Variants in EEFSEC observed in about 807,000 individuals in gnomAD.
EEFSEC encodes eukaryotic elongation factor, selenocysteine-tRNA specific.
A neutral mutation model predicts 42.1 loss-of-function variants in EEFSEC; 43 were observed. That is an observed-to-expected ratio of 1.02 (90% CI 0.80 to 1.32). EEFSEC has a LOEUF of 1.32. Ranked by LOEUF, EEFSEC falls within the 40% of genes most tolerant of loss-of-function variation. The pLI, the probability that EEFSEC is intolerant of heterozygous loss-of-function variation, is 0.00. For synonymous variants in EEFSEC, 354 were observed against 339.1 expected (o/e 1.04, Z -0.48); for missense variants, 745 against 803.6 (o/e 0.93, Z 0.88).
intron 6 of EEFSEC, among the ~76,000 whole-genome samples, chr3:128,404,002 C>T (rs766358124): frequency 1.3e-4 from 20 of 152,194 alleles, no homozygotes; most frequent in Non-Finnish European, 2.4e-4. Context: ...CTGGCATGTT[C>T]CCTGAATATT....
chr3:128,294,735 G>T (rs2066683605), intron 4 of EEFSEC, among the ~76,000 whole-genome samples: 1 of 152,244 alleles, frequency 6.6e-6, no homozygotes, highest in African/African-American at 2.4e-5. Context: ...AGTGGAAAAG[G>T]TAAGGGGAGG....
At chr3:128,411,096 A>G (rs1023747397), downstream of EEFSEC, among the ~76,000 whole-genome samples, 6 of 152,198 alleles carry the variant, frequency 3.9e-5, no homozygotes, top group African/African-American at 1.4e-4. Context: ...AGCGTCCATT[A>G]GTGGGGTCGG....
chr3:128,408,019 C>G (rs1043666244), intron 6 of EEFSEC, 50 bp from the exon 7 acceptor site: 1 of 1,482,320 alleles, frequency 6.7e-7, no homozygotes. Context: ...AGGGAGCCCA[C>G]GGGTGCTTGG....
chr3:128,245,293 GA>G (rs2066115789), intron 1 of EEFSEC, among the ~76,000 whole-genome samples: 1 of 152,244 alleles, frequency 6.6e-6, no homozygotes. Flanking sequence ...CAGTAGCTAT[GA>G]GAGGGAGTCT....
chr3:128,325,528 A>G (rs1346819197), intron 4 of EEFSEC, among the ~76,000 whole-genome samples: 1 of 152,196 alleles, frequency 6.6e-6, no homozygotes. Context: ...AGATGTTTGC[A>G]CGGGGAGGAA....
chr3:128,326,586 C>A (rs116424631), intron 4 of EEFSEC, among the ~76,000 whole-genome samples: 2,402 of 152,286 alleles, frequency 0.016, 45 homozygotes, highest in African/African-American at 0.054. Context: ...AGCCAGGAGG[C>A]TCAGAAGTGC....
intron 4 of EEFSEC, among the ~76,000 whole-genome samples, chr3:128,266,443 T>G (rs1287132117): frequency 6.6e-6 from 1 of 151,866 alleles, no homozygotes; most frequent in Admixed American, 6.6e-5. Flanking sequence ...ATGAACAGGG[T>G]TCCCCCAAAT....
Position 128,274,479 on chromosome 3 carries a change from C to T in EEFSEC, c.786+9698C>T, listed in dbSNP as rs1307937920. ...GCAGATGTGGAGGTGCCAAATGTGG[C>T]GCGGGTAGGGAGTGTGGCTGGCCTC... On this transcript the variant is annotated intron_variant, in intron 4 of 6. Coordinates refer to ENST00000254730, the MANE Select transcript of EEFSEC (RefSeq NM_021937.5). Among the ~76,000 whole-genome samples the T allele has an allele frequency of 2.6e-5, 4 of 152,274 alleles. No individual in the cohort carries two copies. In the East Asian group the frequency reaches 5.8e-4, roughly 22 times the overall value.
At chr3:128,402,933 G>A (rs1178420694) in intron 6 of EEFSEC, among the ~76,000 whole-genome samples, 1 of 152,180 alleles carries the variant, frequency 6.6e-6, no homozygotes, top group African/African-American at 2.4e-5. Flanking sequence ...TCCCTGCTAG[G>A]GTGGAGCTTG....
chr3:128,263,732 T>C (rs1488295761), intron 3 of EEFSEC, among the ~76,000 whole-genome samples: 1 of 152,196 alleles, frequency 6.6e-6, no homozygotes, highest in East Asian at 1.9e-4. Flanking sequence ...AGTGAAAAAG[T>C]AGCAAACACA....
chr3:128,222,958 G>GTTT (rs1271195123), intron 1 of EEFSEC, among the ~76,000 whole-genome samples: 1 of 152,228 alleles, frequency 6.6e-6, no homozygotes, highest in Non-Finnish European at 1.5e-5. Context: ...GATGACTCAA[G>GTTT]ATGGGGACTG....
In EEFSEC at chr3:128,299,367, C is replaced by T. The variant is rs564423085; in HGVS notation, c.786+34586C>T. On this transcript the variant is annotated intron_variant, in intron 4 of 6. Coordinates refer to ENST00000254730, the MANE Select transcript of EEFSEC (RefSeq NM_021937.5). Reference sequence around the variant, plus strand: ...ATACCTGATGGCCATTTGTGTGCTTCCTTTAGAGAAATTTATTCAGGTCTT... The same window carrying T: ...ATACCTGATGGCCATTTGTGTGCTTTCTTTAGAGAAATTTATTCAGGTCTT... 1.2e-4 allele frequency among the ~76,000 whole-genome samples: 19 copies of T among 152,174 alleles called. No individual in the cohort carries two copies. The South Asian group carries it at 3.5e-3, about 28-fold the overall frequency.
chr3:128,341,538 G>A lies in EEFSEC; in HGVS notation c.1092G>A (p.Leu364=), dbSNP rs777666227. 1.1e-5 allele frequency: 18 copies of A among 1,614,062 alleles called. No individual in the cohort carries two copies. Among genetic ancestry groups the A allele is most frequent in the Non-Finnish European group, 1.5e-5 (18 of 1,180,022 alleles). ...ATAACTTTGACCAGGAGCCTATACT[G>A]GACTCTTTCAACTTCTCTCAAGAAT... The part of the protein sequence containing the change: ...APDNFDQEPI[L]DSFNFSQEYL... Residue 364 remains leucine, a synonymous_variant, in exon 5 of 7, where the codon CTG becomes CTA. Coordinates refer to ENST00000254730, the MANE Select transcript of EEFSEC (RefSeq NM_021937.5).
intron 1 of EEFSEC, among the ~76,000 whole-genome samples, chr3:128,209,602 A>G (rs1213669853): frequency 1.3e-5 from 2 of 152,244 alleles, no homozygotes; most frequent in Non-Finnish European, 2.9e-5. Context: ...CAATTTTTAA[A>G]TTGTAGATAA....
chr3:128,344,671 TC>T lies in EEFSEC; in HGVS notation c.1443+2783del, dbSNP rs1284872217. ...TCTGCGTTCTCTTGAAAAGCTCGAATCTCCTTGGTGGGAGACTTTCCTTCCT... is the reference window on the plus strand; with the variant it reads ...TCTGCGTTCTCTTGAAAAGCTCGAATTCCTTGGTGGGAGACTTTCCTTCCT... On this transcript the variant is annotated intron_variant, in intron 5 of 6. Coordinates refer to ENST00000254730, the MANE Select transcript of EEFSEC (RefSeq NM_021937.5). 3.3e-5 allele frequency among the ~76,000 whole-genome samples: 5 copies of T among 152,304 alleles called. No individual in the cohort carries two copies. The East Asian group carries it at 9.7e-4, about 29-fold the overall frequency.
At chr3:128,207,566 TAC>T (rs10574435) in intron 1 of EEFSEC, among the ~76,000 whole-genome samples, 65,249 of 142,228 alleles carry the variant, frequency 0.46, 14,564 homozygotes, top group Non-Finnish European at 0.49. Context: ...ACACATTGCA[TAC>T]ACACACACAC....
chr3:128,366,194 G>T (rs991903198), intron 6 of EEFSEC, among the ~76,000 whole-genome samples: 6 of 152,246 alleles, frequency 3.9e-5, no homozygotes, highest in South Asian at 4.1e-4. Flanking sequence ...GAGGTCCCAG[G>T]CAAGTAACTC....
intron 2 of EEFSEC, among the ~76,000 whole-genome samples, chr3:128,261,334 G>T (rs1215772831): frequency 6.6e-6 from 1 of 152,166 alleles, no homozygotes; most frequent in Non-Finnish European, 1.5e-5. Flanking sequence ...CACATTATAG[G>T]CTTGGCTCAG....
intron 4 of EEFSEC, among the ~76,000 whole-genome samples, chr3:128,293,670 A>AC (rs1310660698): frequency 2.9e-4 from 35 of 122,430 alleles, no homozygotes; most frequent in Admixed American, 1.5e-3. Context: ...CAAAAAAAAA[A>AC]AAAAAAAAAA....
Sources: allele counts gnomAD v4.1 joint callset (sites outside exome capture counted in the v4.1 genomes callset), GRCh38; gene constraint gnomAD v4.1.1; transcripts MANE v1.5; gene names NCBI Gene and HGNC (gene_info 2026-07-23, HGNC 2026-07-21).